PKNOX2: variants seen among roughly 807,000 people sequenced by gnomAD.
PKNOX2 encodes the protein PBX/knotted 1 homeobox 2.
PKNOX2 carries 14 observed loss-of-function variants against 53.1 expected under a neutral mutation model. That is an observed-to-expected ratio of 0.26 (90% CI 0.17 to 0.41). PKNOX2 has a LOEUF of 0.41. PKNOX2 is among the 10% of genes least tolerant of loss of function. The pLI, the probability that PKNOX2 is intolerant of heterozygous loss-of-function variation, is 1.00. For missense variants in PKNOX2, 496 were observed against 602.8 expected (o/e 0.82, Z 1.85); for synonymous variants, 257 against 242.8 (o/e 1.06, Z -0.54).
chr11:125,278,512 G>A (rs1290436826), intron 2 of PKNOX2, among the ~76,000 whole-genome samples: 3 of 152,180 alleles, frequency 2.0e-5, no homozygotes, highest in Non-Finnish European at 2.9e-5. Context: ...TGGCTCAGGC[G>A]AATGGGAAGT....
chr11:125,403,004 G>A (rs936197922), intron 7 of PKNOX2, among the ~76,000 whole-genome samples: 1 of 152,208 alleles, frequency 6.6e-6, no homozygotes, highest in African/African-American at 2.4e-5. Flanking sequence ...CAGGCTTGGT[G>A]AGAGTTGGTA....
At chr11:125,249,086 C>T (rs1565479129) in intron 2 of PKNOX2, among the ~76,000 whole-genome samples, 2 of 110,448 alleles carry the variant, frequency 1.8e-5, no homozygotes, top group African/African-American at 6.9e-5. Flanking sequence ...TACACACACA[C>T]ATGTTTATAT....
At chr11:125,273,914 C>T (rs777531191) in intron 2 of PKNOX2, among the ~76,000 whole-genome samples, 17 of 152,128 alleles carry the variant, frequency 1.1e-4, no homozygotes, top group Non-Finnish European at 2.2e-4. Context: ...CACATGGACA[C>T]GGATGGTCAT....
intron 6 of PKNOX2, 63 bp downstream of exon 6, chr11:125,385,785 G>T: frequency 6.5e-7 from 1 of 1,541,530 alleles, no homozygotes; most frequent in South Asian, 1.2e-5. Context: ...CCTTCAAAAT[G>T]CCCTAGAAAT....
chr11:125,340,062 T>A (rs770399012), intron 3 of PKNOX2, among the ~76,000 whole-genome samples: 17 of 152,208 alleles, frequency 1.1e-4, no homozygotes, highest in Non-Finnish European at 2.4e-4. Context: ...CTCCTGCTCA[T>A]TTTTATAAAA....
intron 1 of PKNOX2, among the ~76,000 whole-genome samples, chr11:125,230,863 G>A (rs1195893106): frequency 6.6e-6 from 1 of 152,138 alleles, no homozygotes; most frequent in African/African-American, 2.4e-5. Flanking sequence ...AGAAAATTGA[G>A]GTTCATAGAA....
At chr11:125,226,609 A>G (rs554723734) in intron 1 of PKNOX2, among the ~76,000 whole-genome samples, 1 of 151,756 alleles carries the variant, frequency 6.6e-6, no homozygotes, top group East Asian at 1.9e-4. Context: ...TAGGTGCCCA[A>G]ATCCTCTCAT....
intron 7 of PKNOX2, among the ~76,000 whole-genome samples, chr11:125,401,789 G>GTA (rs967615681): frequency 2.0e-5 from 3 of 147,928 alleles, no homozygotes; most frequent in East Asian, 1.9e-4. Flanking sequence ...GTGTGTGTGT[G>GTA]TATGTGTGTG....
chr11:125,312,427 C>T (rs1948865154), intron 2 of PKNOX2, among the ~76,000 whole-genome samples: 1 of 152,228 alleles, frequency 6.6e-6, no homozygotes, highest in African/African-American at 2.4e-5. Flanking sequence ...AGACTCACTT[C>T]AAAGCCGTCT....
chr11:125,324,071 G>C (rs1284039981), intron 2 of PKNOX2, among the ~76,000 whole-genome samples: 1 of 152,056 alleles, frequency 6.6e-6, no homozygotes, highest in Non-Finnish European at 1.5e-5. Flanking sequence ...TAGATTCTTT[G>C]TCAAATGAAA....
intron 1 of PKNOX2, among the ~76,000 whole-genome samples, chr11:125,190,438 A>G (rs1390153169): frequency 6.6e-6 from 1 of 152,046 alleles, no homozygotes; most frequent in Non-Finnish European, 1.5e-5. Context: ...CTTACTTCCT[A>G]TTCGTTCTGC....
chr11:125,317,757 T>A (rs1949289763), intron 2 of PKNOX2, among the ~76,000 whole-genome samples: 1 of 152,188 alleles, frequency 6.6e-6, no homozygotes, highest in African/African-American at 2.4e-5. Context: ...CCTAGGACTT[T>A]TGGAATGGTA....
chr11:125,327,347 C>T (rs566566796), intron 2 of PKNOX2, among the ~76,000 whole-genome samples: 10 of 152,278 alleles, frequency 6.6e-5, no homozygotes, highest in Middle Eastern at 6.8e-3. Flanking sequence ...GTGGGGAGGT[C>T]GTGAGGACAG....
At chr11:125,216,400 A>G (rs139153594) in intron 1 of PKNOX2, among the ~76,000 whole-genome samples, 1 of 152,290 alleles carries the variant, frequency 6.6e-6, no homozygotes, top group African/African-American at 2.4e-5. Context: ...TCCACCCAGC[A>G]GGAAGAGGAC....
chr11:125,238,736 C>T (rs73619411), intron 2 of PKNOX2, among the ~76,000 whole-genome samples: 35 of 152,092 alleles, frequency 2.3e-4, no homozygotes, highest in Non-Finnish European at 4.0e-4. Context: ...CTATTCTGTC[C>T]CCTTTTGTGA....
chr11:125,206,744 A>G (rs551142229), intron 1 of PKNOX2, among the ~76,000 whole-genome samples: 2 of 152,132 alleles, frequency 1.3e-5, no homozygotes, highest in Non-Finnish European at 2.9e-5. Flanking sequence ...TCAGCATAAC[A>G]AGCTAACAGA....
chr11:125,192,281 C>T (rs528144487), intron 1 of PKNOX2, among the ~76,000 whole-genome samples: 3 of 152,294 alleles, frequency 2.0e-5, no homozygotes, highest in Admixed American at 6.5e-5. Flanking sequence ...TCCAGGGTCC[C>T]GGCAGAGCCG....
intron 2 of PKNOX2, among the ~76,000 whole-genome samples, chr11:125,237,717 T>C (rs575890474): frequency 6.6e-6 from 1 of 152,324 alleles, no homozygotes; most frequent in Non-Finnish European, 1.5e-5. Context: ...CTGGTGTTAA[T>C]AGGTCCTGCA....
chr11:125,238,147 CTTG>C (rs1942875643), intron 2 of PKNOX2, among the ~76,000 whole-genome samples: 1 of 152,136 alleles, frequency 6.6e-6, no homozygotes, highest in Non-Finnish European at 1.5e-5. Flanking sequence ...TCCTAGGTGC[CTTG>C]TTGTGACTTA....
Sources: allele counts gnomAD v4.1 joint callset (sites outside exome capture counted in the v4.1 genomes callset), GRCh38; gene constraint gnomAD v4.1.1; transcripts MANE v1.5; gene names NCBI Gene and HGNC (gene_info 2026-07-23, HGNC 2026-07-21).